BPIFA3: variants seen among roughly 807,000 people sequenced by gnomAD.
BPIFA3 encodes BPI fold containing family A member 3.
In BPIFA3, 32 loss-of-function variants were observed where a neutral mutation model predicts 29.7. The ratio of observed to expected loss-of-function variants is 1.08; its 90% CI spans 0.81 to 1.45. The LOEUF is 1.45. Ranked by LOEUF, BPIFA3 falls within the 40% of genes most tolerant of loss-of-function variation. The probability of loss-of-function intolerance (pLI) is 0.00; values close to 1 mark genes in which losing one functional copy is unlikely to be tolerated. For missense variants in BPIFA3, 323 were observed against 311.3 expected, an observed-to-expected ratio of 1.04 and a Z score of -0.28; for synonymous variants, 112 against 113.7, an observed-to-expected ratio of 0.98 and a Z score of 0.10.
In BPIFA3 at chr20:33,227,688, C is replaced by A. The variant is rs1192404338; in HGVS notation, c.*71C>A. On this transcript the variant is annotated 3_prime_UTR_variant, in exon 7 of 7. Transcript: ENST00000375454. ...TCCCTTAGAGTGGGGCTTCTGCTAC[C>A]CTAAAAACTTTACCCCAGGCTCTGT... is the stretch of plus-strand genomic sequence containing the variant. 3 of 1,361,804 alleles carry A rather than the reference C, an allele frequency of 2.2e-6. No individual in the cohort carries two copies. The highest frequency in any genetic ancestry group is 1.4e-5 in the African/African-American group (1 of 69,588). The allele number at this position is 1,361,804 out of a possible 1,614,324, so 84.4% of individuals were successfully genotyped here. A position where few individuals can be genotyped will look rare whatever the true frequency, so the allele number is the denominator to read the frequency against.
In BPIFA3 at chr20:33,223,810, G is replaced by T. The variant is rs190813318; in HGVS notation, c.128-1G>T. 1.1e-4 allele frequency: 170 copies of T among 1,611,676 alleles called. No homozygotes were observed. The highest frequency in any genetic ancestry group is 2.8e-4 in the Admixed American group (17 of 59,960). On this transcript the variant is annotated splice_acceptor_variant, in intron 1 of 6. Coordinates refer to ENST00000375454, the MANE Select transcript of BPIFA3 (RefSeq NM_178466.5). LOFTEE classifies it high-confidence loss of function. ...AGTCAGTGGTCCTTGTGCATTTCCAGTTATTGCTCAGGGCCTCATAAAGCA... is the reference window on the plus strand; with the variant it reads ...AGTCAGTGGTCCTTGTGCATTTCCATTTATTGCTCAGGGCCTCATAAAGCA...
At chr20:33,224,273 G>A in intron 2 of BPIFA3, 82 bp from the exon 3 acceptor site, 1 of 1,149,700 alleles carries the variant, frequency 8.7e-7, no homozygotes, top group Non-Finnish European at 1.3e-6. Context: ...TTTATAGTCG[G>A]ACAGCCTTGT....
At position 33,225,180 on chromosome 20, in the gene BPIFA3, C is replaced by G. The variant is rs138661121; in HGVS notation, c.469C>G (p.Arg157Gly). 2 of 1,613,908 alleles carry G rather than the reference C, an allele frequency of 1.2e-6. No individual in the cohort carries two copies. The highest frequency in any genetic ancestry group is 2.2e-5 in the South Asian group (2 of 91,064). Residue 157 changes from arginine (R) to glycine (G), a missense_variant, in exon 4 of 7, where the codon CGG (arginine) becomes GGG (glycine). Arg to Gly is a moderately radical substitution (Grantham distance 125). Coordinates refer to ENST00000375454, the MANE Select transcript of BPIFA3 (RefSeq NM_178466.5). ...EFWLEKDEFG[R>G]RDLVIGKCDA... The stretch of plus-strand genomic sequence containing the variant: ...CTGGCTGGAGAAAGACGAGTTTGGC[C>G]GGAGGGATCTGGTGATAGGCAAATG...
chr20:33,225,553 A>C, intron 4 of BPIFA3: 1 of 314,970 alleles, frequency 3.2e-6, no homozygotes, highest in East Asian at 6.0e-5. Flanking sequence ...CAGGAAACTC[A>C]CCTGGCTTTC....
chr20:33,225,724 C>T (rs147770296), intron 4 of BPIFA3: 26 of 166,502 alleles, frequency 1.6e-4, no homozygotes, highest in Middle Eastern at 3.1e-3. Flanking sequence ...ACTCAAGGCC[C>T]TGCTTGTCCT....
rs539260827 is a variant in BPIFA3, at chr20:33,227,058, C to G, written c.685+65C>G. On this transcript the variant is annotated intron_variant, in intron 6 of 6. Transcript: ENST00000375454. Reference sequence around the variant, plus strand: ...GGCAAGTGGCTGAAAGAGGTACCCCCGGCCCTGGAGCCCCCAGGGAGGCCT... The same window carrying G: ...GGCAAGTGGCTGAAAGAGGTACCCCGGGCCCTGGAGCCCCCAGGGAGGCCT... The G allele has an allele frequency of 5.4e-6, 8 of 1,476,322 alleles. No homozygotes were observed. In the East Asian group the frequency reaches 1.8e-4, roughly 33 times the overall value. The allele number at this position is 1,476,322 out of a possible 1,614,324, so 91.5% of individuals were successfully genotyped here. A position where few individuals can be genotyped will look rare whatever the true frequency, so the allele number is the denominator to read the frequency against.
At chr20:33,224,037 G>A (rs923634683) in intron 2 of BPIFA3, 76 bp downstream of exon 2, 9 of 1,551,454 alleles carry the variant, frequency 5.8e-6, no homozygotes, top group South Asian at 4.7e-5. Context: ...CTGATGGGGG[G>A]CTGGGGAGGT....
intron 3 of BPIFA3, 141 bp from the exon 4 acceptor site, chr20:33,224,957 T>C: frequency 1.4e-6 from 1 of 700,982 alleles, no homozygotes; most frequent in Non-Finnish European, 2.4e-6. Context: ...AGGATTTAAC[T>C]GGGCCTAGTT....
At chr20:33,225,348 A>G in intron 4 of BPIFA3, 101 bp downstream of exon 4, 5 of 1,519,582 alleles carry the variant, frequency 3.3e-6, no homozygotes, top group Non-Finnish European at 4.5e-6. Flanking sequence ...TCCAAAGCAG[A>G]TCTCATCCTT....
At chr20:33,219,356 C>T (rs1199011849) in intron 1 of BPIFA3, among the ~76,000 whole-genome samples, 1 of 152,116 alleles carries the variant, frequency 6.6e-6, no homozygotes, top group Non-Finnish European at 1.5e-5. Flanking sequence ...GAATATTTCT[C>T]CCAAACTGTC....
At chr20:33,224,514 A>C in intron 3 of BPIFA3, 52 bp downstream of exon 3, 1 of 1,433,516 alleles carries the variant, frequency 7.0e-7, no homozygotes, top group Non-Finnish European at 9.8e-7. Flanking sequence ...CTCGCAGGGA[A>C]CCTGGGAAAT....
intron 6 of BPIFA3, 57 bp downstream of exon 6, chr20:33,227,050 G>A (rs571938603): frequency 1.3e-6 from 2 of 1,527,570 alleles, no homozygotes; most frequent in South Asian, 2.2e-5. Context: ...GGCTGAAAGA[G>A]GTACCCCCGG....
chr20:33,224,465 G>A lies in BPIFA3; in HGVS notation c.386+3G>A. ...GAATTTGACCTTGAATTGAGACCGT[G>A]AGTCATACAGAAGCAGAATCTGAGA... is the stretch of plus-strand genomic sequence containing the variant. On this transcript the variant is annotated splice_donor_region_variant and intron_variant, in intron 3 of 6. Transcript: ENST00000375454. The A allele has an allele frequency of 6.2e-7, 1 of 1,605,824 alleles. No homozygotes were observed. The highest frequency in any genetic ancestry group is 8.5e-7 in the Non-Finnish European group (1 of 1,172,506).
intron 4 of BPIFA3, chr20:33,226,142 G>A: frequency 2.6e-6 from 1 of 382,294 alleles, no homozygotes; most frequent in Non-Finnish European, 4.7e-6. Flanking sequence ...GATTGTACCA[G>A]ACATTCATGG....
chr20:33,223,247 G>A (rs1340612519), intron 1 of BPIFA3, among the ~76,000 whole-genome samples: 2 of 152,166 alleles, frequency 1.3e-5, no homozygotes, highest in Admixed American at 6.5e-5. Flanking sequence ...GTGAAATAAT[G>A]TGCCCTGTGG....
At chr20:33,225,004 C>T (rs182863021) in intron 3 of BPIFA3, 94 bp from the exon 4 acceptor site, 54 of 1,180,662 alleles carry the variant, frequency 4.6e-5, no homozygotes, top group African/African-American at 9.1e-5. Context: ...GAAGCCCTAA[C>T]GGTGGACAGT....
chr20:33,224,101 G>C, intron 2 of BPIFA3, 140 bp downstream of exon 2: 10 of 1,174,970 alleles, frequency 8.5e-6, no homozygotes, highest in East Asian at 7.6e-5. Flanking sequence ...AAGGTGGAAG[G>C]CCCACACAAG....
At chr20:33,226,339 A>T in intron 4 of BPIFA3, 67 bp from the exon 5 acceptor site, 1 of 1,168,536 alleles carries the variant, frequency 8.6e-7, no homozygotes, top group Non-Finnish European at 1.3e-6. Flanking sequence ...TACTCAACAC[A>T]TACCTCCTGG....
At chr20:33,224,969 G>A in intron 3 of BPIFA3, 129 bp from the exon 4 acceptor site, 1 of 782,262 alleles carries the variant, frequency 1.3e-6, no homozygotes. Context: ...GGCCTAGTTT[G>A]TTGAAAGGAC....
Sources: allele counts gnomAD v4.1 joint callset (sites outside exome capture counted in the v4.1 genomes callset), GRCh38; gene constraint gnomAD v4.1.1; transcripts MANE v1.5; gene names NCBI Gene and HGNC (gene_info 2026-07-23, HGNC 2026-07-21).